Variants in LENG8 observed in about 807,000 individuals in gnomAD.
The protein encoded by LENG8 is leukocyte receptor cluster member 8, also known as leukocyte receptor cluster (LRC) member 8.
In LENG8, 28 loss-of-function variants were observed where a neutral mutation model predicts 102.1. The observed-to-expected ratio is 0.27, with a 90% CI of 0.20 to 0.38. LENG8 has a LOEUF of 0.38. Ranked by LOEUF, LENG8 falls within the 10% of genes least tolerant of loss-of-function variation. The pLI is 1.00. For synonymous variants in LENG8, 531 were observed against 456.7 expected (o/e 1.16, Z -2.07); for missense variants, 1,022 against 1,113.9 (o/e 0.92, Z 1.17).
chr19:54,457,959 C>T lies in LENG8; in HGVS notation c.1859C>T (p.Thr620Met), dbSNP rs1012298839. ...LTVQGIRTEF[T>M]VEVYETHARI... Reference sequence around the variant, plus strand: ...GTGCAGGGCATCCGCACCGAGTTCACGGTGGAGGTGTACGAGACCCATGCC... The same window carrying T: ...GTGCAGGGCATCCGCACCGAGTTCATGGTGGAGGTGTACGAGACCCATGCC... Residue 620 changes from threonine to methionine, a missense_variant, in exon 13 of 16, where the codon ACG (threonine) becomes ATG (methionine). Thr to Met is a moderately conservative substitution (Grantham distance 81). Transcript: ENST00000326764. 1.4e-5 allele frequency: 22 copies of T among 1,613,692 alleles called. No individual in the cohort carries two copies. The highest frequency in any genetic ancestry group is 1.8e-5 in the Non-Finnish European group (21 of 1,180,040).
In LENG8 at chr19:54,452,080, T is replaced by C; in HGVS notation, c.39-13T>C. The C allele has an allele frequency of 6.3e-7, 1 of 1,599,864 alleles. No homozygotes were observed. Among genetic ancestry groups the C allele is most frequent in the Non-Finnish European group, 8.6e-7 (1 of 1,169,574 alleles). On this transcript the variant is annotated splice_polypyrimidine_tract_variant and intron_variant, in intron 2 of 15. Coordinates refer to ENST00000326764, the MANE Select transcript of LENG8 (RefSeq NM_052925.4). ...GGAGAACAGGTGTGACTTGATGTCC[T>C]CTCTCTCTGCAGGTCTTCTCAGTAC...
At chr19:54,460,718 T>TTGGGG in intron 15 of LENG8, 48 bp from the exon 16 acceptor site, 1 of 1,048,028 alleles carries the variant, frequency 9.5e-7, no homozygotes, top group Non-Finnish European at 1.3e-6. Flanking sequence ...GGCCCTCCCC[T>TTGGGG]GCCCTCCCGC....
At position 54,457,929 on chromosome 19, in the gene LENG8, C is replaced by T; in HGVS notation, c.1834-5C>T. ...GTGACTCTTGTTCTCGCCCCGCTGCCCCAGGTGCAGGGCATCCGCACCGAG... is the reference window on the plus strand; with the variant it reads ...GTGACTCTTGTTCTCGCCCCGCTGCTCCAGGTGCAGGGCATCCGCACCGAG... On this transcript the variant is annotated splice_polypyrimidine_tract_variant and splice_region_variant and intron_variant, in intron 12 of 15. Transcript: ENST00000326764. 1 of 1,613,904 alleles carries T rather than the reference C, an allele frequency of 6.2e-7. No individual in the cohort carries two copies. Among genetic ancestry groups the T allele is most frequent in the Non-Finnish European group, 8.5e-7 (1 of 1,180,000 alleles).
At chr19:54,452,061 C>T (rs2083986708) in intron 2 of LENG8, 32 bp from the exon 3 acceptor site, 1 of 1,586,204 alleles carries the variant, frequency 6.3e-7, no homozygotes, top group Admixed American at 1.7e-5. Context: ...GTGGGGAGAA[C>T]AGGTGTGACT....
chr19:54,452,568 C>T, intron 3 of LENG8, 83 bp from the exon 4 acceptor site: 2 of 1,132,964 alleles, frequency 1.8e-6, no homozygotes, highest in South Asian at 1.2e-5. Context: ...GGCAATTGGC[C>T]ACCAGTAAAC....
At chr19:54,458,993 A>C (rs2084398587) in intron 15 of LENG8, 1 of 1,449,476 alleles carries the variant, frequency 6.9e-7, no homozygotes, top group Non-Finnish European at 9.0e-7. Flanking sequence ...TTAGGGAGAC[A>C]CCTGTGTTGA....
Position 54,456,318 on chromosome 19 carries a change from C to T in LENG8, c.1305-7C>T, listed in dbSNP as rs765957521. The T allele has an allele frequency of 1.9e-6, 3 of 1,614,092 alleles. No homozygotes were observed. The South Asian group carries it at 3.3e-5, about 18-fold the overall frequency. On this transcript the variant is annotated splice_region_variant and splice_polypyrimidine_tract_variant and intron_variant, in intron 9 of 15. Transcript: ENST00000326764. ...TTCAGGCCTGACCCTCCTGCTTCTTCCTGCAGTGACTCCCACTCAGACTCC... is the reference window on the plus strand; with the variant it reads ...TTCAGGCCTGACCCTCCTGCTTCTTTCTGCAGTGACTCCCACTCAGACTCC...
At chr19:54,455,205 GGCA>G (rs2084163593) in intron 7 of LENG8, 113 bp downstream of exon 7, 2 of 1,527,100 alleles carry the variant, frequency 1.3e-6, no homozygotes, top group African/African-American at 2.7e-5. Flanking sequence ...CTCTGAAAAG[GGCA>G]GAAGGACCCT....
At position 54,456,439 on chromosome 19, in the gene LENG8, C is replaced by G; in HGVS notation, c.1419C>G (p.Gly473=). Residue 473 remains glycine (G), a synonymous_variant, in exon 10 of 16, where the codon GGC becomes GGG. Coordinates refer to ENST00000326764, the MANE Select transcript of LENG8 (RefSeq NM_052925.4). Reference sequence around the variant, plus strand: ...GTCGAGGGGCCCATATGGATCGGGGCCGAGGCAGGGCGCAGCGTGGGAAGA... The same window carrying G: ...GTCGAGGGGCCCATATGGATCGGGGGCGAGGCAGGGCGCAGCGTGGGAAGA... ...RGGRGAHMDR[G]RGRAQRGKRH... 1.9e-6 allele frequency: 3 copies of G among 1,607,896 alleles called. No individual in the cohort carries two copies. The highest frequency in any genetic ancestry group is 2.5e-6 in the Non-Finnish European group (3 of 1,179,520).
intron 15 of LENG8, 32 bp downstream of exon 15, chr19:54,458,553 C>G (rs1030606502): frequency 2.5e-6 from 4 of 1,613,600 alleles, no homozygotes; most frequent in Admixed American, 1.7e-5. Context: ...TCTGCCTTTG[C>G]TCTTCCCATC....
chr19:54,457,718 C>T, intron 11 of LENG8, 29 bp from the exon 12 acceptor site: 1 of 1,518,406 alleles, frequency 6.6e-7, no homozygotes, highest in Non-Finnish European at 9.2e-7. Flanking sequence ...GAGTTGTACT[C>T]CGAGTGTGAA....
Position 54,456,251 on chromosome 19 carries a change from G to C in LENG8, c.1304+6G>C, listed in dbSNP as rs764600957. The C allele has an allele frequency of 6.2e-7, 1 of 1,613,926 alleles. No homozygotes were observed. Among genetic ancestry groups the C allele is most frequent in the Non-Finnish European group, 8.5e-7 (1 of 1,179,978 alleles). ...ACGCGCCACTTCCGCAGAAGGTACT[G>C]AGGCTCCCGGCTGGGGCTGTGTGTG... On this transcript the variant is annotated splice_donor_region_variant and intron_variant, in intron 9 of 15. Transcript: ENST00000326764.
chr19:54,459,764 G>A lies in LENG8; in HGVS notation c.2241-1002G>A. On this transcript the variant is annotated intron_variant, in intron 15 of 15. Transcript: ENST00000326764. The stretch of plus-strand genomic sequence containing the variant: ...AACTTCAGGGAGAGGCTGAGCCAGG[G>A]TAGGAGTCACAGGAGCAGACGAGGA... 4 of 1,081,686 alleles carry A rather than the reference G, an allele frequency of 3.7e-6. No individual in the cohort carries two copies. In the South Asian group the frequency reaches 7.1e-5, roughly 19 times the overall value. 67.0% of individuals were successfully genotyped at this position (1,081,686 alleles called of 1,614,324 possible).
rs1174428737 is a variant in LENG8 at position 54,456,141 on chromosome 19, G to A, written c.1200G>A (p.Lys400=). Residue 400 remains lysine, a synonymous_variant, in exon 9 of 16, where the codon AAG becomes AAA. Coordinates refer to ENST00000326764, the MANE Select transcript of LENG8 (RefSeq NM_052925.4). ...GAGCCCGGGGCAACAGCTTCACCAA[G>A]TTTGGCAACCGCAACGTCTTCATGA... ...AGRARGNSFT[K]FGNRNVFMKD... The A allele has an allele frequency of 3.7e-6, 6 of 1,610,870 alleles. No individual in the cohort carries two copies. The highest frequency in any genetic ancestry group is 1.3e-5 in the African/African-American group (1 of 74,868).
chr19:54,453,789 T>G (rs1182304178), intron 5 of LENG8, 133 bp downstream of exon 5: 4 of 660,616 alleles, frequency 6.1e-6, no homozygotes, highest in Non-Finnish European at 1.0e-5. Flanking sequence ...GATCTGAAAA[T>G]GAGGAGGACA....
chr19:54,451,489 C>T (rs537610723), intron 2 of LENG8, 107 bp downstream of exon 2: 3 of 1,135,834 alleles, frequency 2.6e-6, no homozygotes, highest in African/African-American at 1.5e-5. Flanking sequence ...GAGGTGATGC[C>T]ACAATCCCTG....
rs1179692011 is a variant in LENG8, at chr19:54,455,680, A to G, written c.1025+113A>G. On this transcript the variant is annotated intron_variant, in intron 8 of 15. Coordinates refer to ENST00000326764, the MANE Select transcript of LENG8 (RefSeq NM_052925.4). Reference sequence around the variant, plus strand: ...GTACCAGGAGCTCCAAAGAGAAATGAACTGGAAAGTTGGATCCTGGGGGGA... The same window carrying G: ...GTACCAGGAGCTCCAAAGAGAAATGGACTGGAAAGTTGGATCCTGGGGGGA... 7 of 1,096,674 alleles carry G rather than the reference A, an allele frequency of 6.4e-6. No individual in the cohort carries two copies. The African/African-American group carries it at 1.1e-4, about 17-fold the overall frequency. 67.9% of individuals were successfully genotyped at this position (1,096,674 alleles called of 1,614,324 possible).
intron 1 of LENG8, among the ~76,000 whole-genome samples, chr19:54,450,168 C>G (rs2083891031): frequency 6.6e-6 from 1 of 152,174 alleles, no homozygotes; most frequent in South Asian, 2.1e-4. Flanking sequence ...ATTCCCAAAG[C>G]TTTATGTCCA....
rs1453653164 is a variant in LENG8 at position 54,461,590 on chromosome 19, C to T, written c.*662C>T. On this transcript the variant is annotated 3_prime_UTR_variant, in exon 16 of 16. Coordinates refer to ENST00000326764, the MANE Select transcript of LENG8 (RefSeq NM_052925.4). ...GTTGTATAAAGTTGTCTCCGTGTCC[C>T]CTCCTCCCTCTGCCCCCAGTGTTTC... The T allele has an allele frequency of 2.1e-6, 1 of 473,030 alleles. No homozygotes were observed. Among genetic ancestry groups the T allele is most frequent in the Non-Finnish European group, 4.4e-6 (1 of 228,182 alleles). 29.3% of individuals were successfully genotyped at this position (473,030 alleles called of 1,614,324 possible).
Sources: gnomAD v4.1 joint callset for allele counts (sites outside exome capture counted in the v4.1 genomes callset) on GRCh38, gnomAD v4.1.1 for gene constraint, MANE v1.5 for transcripts, NCBI Gene and HGNC (gene_info 2026-07-23, HGNC 2026-07-21) for gene names.